Variants in ERAP1 observed in about 807,000 individuals in gnomAD.
ERAP1 encodes endoplasmic reticulum aminopeptidase 1, also known as adipocyte-derived leucine aminopeptidase.
ERAP1 carries 86 observed loss-of-function variants against 103.7 expected under a neutral mutation model. The observed-to-expected ratio is 0.83, with a 90% CI of 0.70 to 0.99. The LOEUF (loss-of-function observed/expected upper bound fraction) is 0.99. Among genes scored for constraint, ERAP1 ranks in the 50% least tolerant of loss-of-function variants. ERAP1 has a pLI of 0.00. For missense variants in ERAP1, 1,009 were observed against 1,128.4 expected (o/e 0.89, Z 1.52); for synonymous variants, 398 against 402.4 (o/e 0.99, Z 0.13).
chr5:96,774,931 A>G lies in ERAP1; in HGVS notation c.*1465T>C. ...ACATTTTTCGTACCAATCATCAATCATATTCCCTTATCTTGAAGTTTTTGC... is the reference window on the plus strand; with the variant it reads ...ACATTTTTCGTACCAATCATCAATCGTATTCCCTTATCTTGAAGTTTTTGC... On this transcript the variant is annotated 3_prime_UTR_variant, in exon 19 of 19. Transcript: ENST00000443439. 1 of 985,186 alleles carries G rather than the reference A, an allele frequency of 1.0e-6. No individual in the cohort carries two copies. The highest frequency in any genetic ancestry group is 4.7e-5 in the South Asian group (1 of 21,264). 61.0% of individuals were successfully genotyped at this position (985,186 alleles called of 1,614,324 possible). A position where few individuals can be genotyped will look rare whatever the true frequency, so the allele number is the denominator to read the frequency against.
chr5:96,802,867 C>T (rs796997918), intron 2 of ERAP1, among the ~76,000 whole-genome samples: 2 of 151,900 alleles, frequency 1.3e-5, no homozygotes, highest in Non-Finnish European at 1.5e-5. Flanking sequence ...AATGGCCATG[C>T]GACTAACAGA....
At chr5:96,818,893 C>CATTTATGT in the ERAP1 span, among the ~76,000 whole-genome samples, 15,452 of 141,796 alleles carry the variant, frequency 0.11, 1,046 homozygotes, top group Non-Finnish European at 0.15. Flanking sequence ...ACCTGAACTG[C>CATTTATGT]ATTTATTTAT....
At chr5:96,771,810 T>C (rs1310677255), downstream of ERAP1, 5 of 665,486 alleles carry the variant, frequency 7.5e-6, no homozygotes, top group East Asian at 2.7e-5. Flanking sequence ...ATGCTCACTT[T>C]ACAGTATTGG....
At chr5:96,765,928 A>T (rs1165148668) in intron 19 of ERAP1, 1 of 614,608 alleles carries the variant, frequency 1.6e-6, no homozygotes, top group African/African-American at 1.9e-5. Flanking sequence ...TGCTTAAAAA[A>T]TAAAAACAGA....
chr5:96,801,954 T>TAA (rs1561288307), intron 2 of ERAP1, among the ~76,000 whole-genome samples: 1 of 146,942 alleles, frequency 6.8e-6, no homozygotes, highest in Non-Finnish European at 1.5e-5. Flanking sequence ...GAAGAACCTA[T>TAA]AAATCATTAA....
chr5:96,808,720 A>G (rs1426264189), upstream of ERAP1, among the ~76,000 whole-genome samples: 2 of 152,192 alleles, frequency 1.3e-5, no homozygotes, highest in African/African-American at 2.4e-5. Context: ...GAACAATTAA[A>G]GCTGAATAAA....
At chr5:96,801,854 C>CA (rs59332218) in intron 2 of ERAP1, among the ~76,000 whole-genome samples, 6,804 of 54,702 alleles carry the variant, frequency 0.12, 1,444 homozygotes, top group African/African-American at 0.15. Flanking sequence ...TCCGTCTCGA[C>CA]AAAAAAAAAA....
At chr5:96,883,946 G>A in the ERAP1 span, 5 of 1,546,638 alleles carry the variant, frequency 3.2e-6, no homozygotes, top group Non-Finnish European at 4.4e-6. Context: ...TCCACTTCCA[G>A]AAACTTTTAG....
At chr5:96,884,648 C>T in the ERAP1 span, among the ~76,000 whole-genome samples, 1 of 152,140 alleles carries the variant, frequency 6.6e-6, no homozygotes, top group African/African-American at 2.4e-5. Context: ...ACCTCAGCCT[C>T]CTGGGTTCAA....
chr5:96,901,817 G>C, the ERAP1 span: 1 of 851,098 alleles, frequency 1.2e-6, no homozygotes, highest in South Asian at 1.9e-5. Flanking sequence ...AAGTAGACTT[G>C]ATAAGATTTA....
the ERAP1 span, among the ~76,000 whole-genome samples, chr5:96,866,426 T>C: frequency 6.6e-6 from 1 of 152,184 alleles, no homozygotes; most frequent in Non-Finnish European, 1.5e-5. Context: ...GGAAAACAAA[T>C]AGACAAACAT....
chr5:96,784,542 A>AT (rs1775727971), intron 13 of ERAP1, among the ~76,000 whole-genome samples: 2 of 152,202 alleles, frequency 1.3e-5, no homozygotes, highest in South Asian at 4.1e-4. Flanking sequence ...TCTATCACAT[A>AT]TAACACAACA....
At chr5:96,792,674 G>A (rs1776870374) in intron 7 of ERAP1, among the ~76,000 whole-genome samples, 1 of 152,136 alleles carries the variant, frequency 6.6e-6, no homozygotes, top group African/African-American at 2.4e-5. Flanking sequence ...TAAAGATCAT[G>A]TAGAAACATA....
At chr5:96,818,561 GCT>G in the ERAP1 span, among the ~76,000 whole-genome samples, 2 of 86,966 alleles carry the variant, frequency 2.3e-5, no homozygotes, top group African/African-American at 6.8e-5. Context: ...AGCTTGAGAG[GCT>G]TTTTTTGTTG....
intron 3 of ERAP1, among the ~76,000 whole-genome samples, chr5:96,798,066 C>T (rs909094197): frequency 1.3e-5 from 2 of 152,146 alleles, no homozygotes; most frequent in African/African-American, 4.8e-5. Flanking sequence ...TGGCTCACAC[C>T]TGTAATCCCA....
Position 96,807,929 on chromosome 5 carries a change from G to T in ERAP1, c.-87C>A. The stretch of plus-strand genomic sequence containing the variant: ...CACTGCCGCCGGCCTAGCTCCCCCA[G>T]GACCGAAAGTGAAAGTGGAGCCCGG... On this transcript the variant is annotated 5_prime_UTR_variant, in exon 1 of 19. The change creates a new upstream start codon in the 5' untranslated region. Coordinates refer to ENST00000443439, the MANE Select transcript of ERAP1 (RefSeq NM_001040458.3). The T allele has an allele frequency of 1.0e-6, 1 of 986,048 alleles. No homozygotes were observed. Among genetic ancestry groups the T allele is most frequent in the Non-Finnish European group, 1.2e-6 (1 of 830,430 alleles). 61.1% of individuals were successfully genotyped at this position (986,048 alleles called of 1,614,324 possible).
At chr5:96,800,284 C>T (rs977455852) in intron 3 of ERAP1, among the ~76,000 whole-genome samples, 8 of 152,196 alleles carry the variant, frequency 5.3e-5, no homozygotes, top group African/African-American at 1.4e-4. Flanking sequence ...TGTCCACATC[C>T]GCATTGAGAT....
chr5:96,867,800 G>A, the ERAP1 span, among the ~76,000 whole-genome samples: 14 of 152,014 alleles, frequency 9.2e-5, no homozygotes, highest in African/African-American at 3.4e-4. Context: ...TGGGCTGGGT[G>A]CAGTGGTTCA....
upstream of ERAP1, among the ~76,000 whole-genome samples, chr5:96,811,283 G>T (rs936922637): frequency 6.6e-5 from 10 of 152,122 alleles, no homozygotes; most frequent in African/African-American, 9.7e-5. Flanking sequence ...TCCAAAACAG[G>T]CCACTGAGCT....
Sources: gnomAD v4.1 joint callset for allele counts (sites outside exome capture counted in the v4.1 genomes callset) on GRCh38, gnomAD v4.1.1 for gene constraint, MANE v1.5 for transcripts, NCBI Gene and HGNC (gene_info 2026-07-23, HGNC 2026-07-21) for gene names.